TMEM170B: variants seen among roughly 807,000 people sequenced by gnomAD.
TMEM170B encodes the protein transmembrane protein 170B.
Under a neutral mutation model 13.0 loss-of-function variants are expected in TMEM170B, and 6 were observed. The observed-to-expected ratio is 0.46, with a 90% CI of 0.25 to 0.91. The LOEUF (loss-of-function observed/expected upper bound fraction) is 0.91. TMEM170B is among the 40% of genes least tolerant of loss of function. The probability of loss-of-function intolerance (pLI) is 0.17; values close to 1 mark genes in which losing one functional copy is unlikely to be tolerated. For synonymous variants in TMEM170B, 61 were observed against 64.9 expected (o/e 0.94, Z 0.29); for missense variants, 138 against 165.2 (o/e 0.84, Z 0.90).
At chr6:11,573,089 T>G (rs1582147354) in intron 2 of TMEM170B, among the ~76,000 whole-genome samples, 1 of 152,298 alleles carries the variant, frequency 6.6e-6, no homozygotes, top group East Asian at 1.9e-4. Flanking sequence ...ATATTAATCA[T>G]CAGTTTGTTT....
intron 1 of TMEM170B, among the ~76,000 whole-genome samples, chr6:11,539,115 AAC>A (rs1335308748): frequency 1.2e-4 from 18 of 152,370 alleles, no homozygotes; most frequent in African/African-American, 7.2e-5. Flanking sequence ...TGAGTGATAA[AAC>A]ACACAATATT....
chr6:11,563,535 T>G (rs1759697482), intron 1 of TMEM170B, among the ~76,000 whole-genome samples: 1 of 152,224 alleles, frequency 6.6e-6, no homozygotes, highest in Non-Finnish European at 1.5e-5. Flanking sequence ...GTAGAAAGTC[T>G]GCGCTTCCCA....
At chr6:11,564,864 C>T (rs1759715132) in intron 1 of TMEM170B, among the ~76,000 whole-genome samples, 1 of 152,188 alleles carries the variant, frequency 6.6e-6, no homozygotes, top group Non-Finnish European at 1.5e-5. Context: ...GAACGATTGG[C>T]CCAGCTTGGA....
chr6:11,559,803 A>T (rs1179619268), intron 1 of TMEM170B, among the ~76,000 whole-genome samples: 12 of 152,100 alleles, frequency 7.9e-5, no homozygotes, highest in Non-Finnish European at 7.4e-5. Flanking sequence ...GACCATTTCT[A>T]TAAAGAAGGT....
intron 2 of TMEM170B, among the ~76,000 whole-genome samples, chr6:11,568,914 C>G (rs1050416268): frequency 3.9e-5 from 6 of 151,986 alleles, no homozygotes; most frequent in South Asian, 2.1e-4. Context: ...AGTGATTTTT[C>G]ATATAGTGTT....
chr6:11,575,790 CTA>C lies in TMEM170B; in HGVS notation c.*231_*232del. The C allele has an allele frequency of 2.6e-6, 1 of 380,250 alleles. No homozygotes were observed. Among genetic ancestry groups the C allele is most frequent in the Non-Finnish European group, 4.8e-6 (1 of 210,222 alleles). 23.6% of individuals were successfully genotyped at this position (380,250 alleles called of 1,614,324 possible). A position where few individuals can be genotyped will look rare whatever the true frequency, so the allele number is the denominator to read the frequency against. On this transcript the variant is annotated 3_prime_UTR_variant, in exon 3 of 3. Transcript: ENST00000379426. The surrounding 1 kb of genome is among the most constrained non-coding windows in gnomAD (Gnocchi z 4.1). The stretch of plus-strand genomic sequence containing the variant: ...GTCTCAGGCAAGGTGCATTAAGACA[CTA>C]TGTAAAGTTACAAGAAAAAGCACCT...
intron 1 of TMEM170B, among the ~76,000 whole-genome samples, chr6:11,560,208 A>C (rs565772457): frequency 6.6e-6 from 1 of 151,860 alleles, no homozygotes; most frequent in South Asian, 2.1e-4. Flanking sequence ...TGTGTCGCCC[A>C]GGCTGGAGTG....
At chr6:11,542,007 A>G (rs559863323) in intron 1 of TMEM170B, among the ~76,000 whole-genome samples, 103 of 113,450 alleles carry the variant, frequency 9.1e-4, no homozygotes, top group African/African-American at 2.7e-3. Flanking sequence ...ATAATAAAAT[A>G]CAATAATAAA....
intron 1 of TMEM170B, among the ~76,000 whole-genome samples, chr6:11,547,880 A>G (rs1759461389): frequency 6.6e-6 from 1 of 152,176 alleles, no homozygotes; most frequent in Admixed American, 6.5e-5. Context: ...ATTAACTATG[A>G]TAATAAAATG....
At position 11,578,698 on chromosome 6, in the gene TMEM170B, C is replaced by T. The variant is rs1334405273; in HGVS notation, c.*3137C>T. On this transcript the variant is annotated 3_prime_UTR_variant, in exon 3 of 3. Transcript: ENST00000379426. ...CCAAACAGTGTTACAGTTTGTTACC[C>T]AATATACTTTCTTAGTATTTGCAGC... 1 of 152,058 alleles carries T rather than the reference C, an allele frequency of 6.6e-6. No individual in the cohort carries two copies. The highest frequency in any genetic ancestry group is 6.6e-5 in the Admixed American group (1 of 15,262). 9.4% of individuals were successfully genotyped at this position (152,058 alleles called of 1,614,324 possible).
chr6:11,544,734 CTTCT>C (rs1235583797), intron 1 of TMEM170B, among the ~76,000 whole-genome samples: 2 of 152,164 alleles, frequency 1.3e-5, no homozygotes, highest in Non-Finnish European at 2.9e-5. Flanking sequence ...GTACATATCA[CTTCT>C]TTAAGTGTGT....
At position 11,577,604 on chromosome 6, in the gene TMEM170B, T is replaced by C. The variant is rs1289141838; in HGVS notation, c.*2043T>C. The C allele has an allele frequency of 6.6e-6, 1 of 152,124 alleles. No individual in the cohort carries two copies. Among genetic ancestry groups the C allele is most frequent in the African/African-American group, 2.4e-5 (1 of 41,456 alleles). 9.4% of individuals were successfully genotyped at this position (152,124 alleles called of 1,614,324 possible). A position where few individuals can be genotyped will look rare whatever the true frequency, so the allele number is the denominator to read the frequency against. ...TTTATTTTATGATTTAAGAAAGTTA[T>C]GGTAAAGTAATATGGAGCATGATTC... On this transcript the variant is annotated 3_prime_UTR_variant, in exon 3 of 3. Coordinates refer to ENST00000379426, the MANE Select transcript of TMEM170B (RefSeq NM_001100829.3).
intron 1 of TMEM170B, among the ~76,000 whole-genome samples, chr6:11,562,100 G>T (rs1272408969): frequency 2.6e-5 from 4 of 152,102 alleles, no homozygotes; most frequent in Non-Finnish European, 2.9e-5. Context: ...AAGAGCCTGT[G>T]GTTGTTGCAG....
intron 1 of TMEM170B, among the ~76,000 whole-genome samples, chr6:11,559,600 A>G (rs535149132): frequency 1.3e-5 from 2 of 152,354 alleles, no homozygotes; most frequent in African/African-American, 2.4e-5. Context: ...CTTGATCTGT[A>G]TAGCACTTTT....
rs1759953486 is a variant in TMEM170B, at chr6:11,581,319, A to T, written c.*5758A>T. On this transcript the variant is annotated 3_prime_UTR_variant, in exon 3 of 3. Transcript: ENST00000379426. The stretch of plus-strand genomic sequence containing the variant: ...TATGTTATAGTTTAAACATATGTAC[A>T]ATTTGTTGATAGAATCCAAGGAGCT... The T allele has an allele frequency of 6.6e-6, 1 of 152,228 alleles. No homozygotes were observed. The highest frequency in any genetic ancestry group is 1.5e-5 in the Non-Finnish European group (1 of 68,030). The allele number at this position is 152,228 out of a possible 1,614,324, so 9.4% of individuals were successfully genotyped here. A position where few individuals can be genotyped will look rare whatever the true frequency, so the allele number is the denominator to read the frequency against.
At chr6:11,551,011 TAC>T (rs1759517199) in intron 1 of TMEM170B, among the ~76,000 whole-genome samples, 1 of 152,240 alleles carries the variant, frequency 6.6e-6, no homozygotes, top group Admixed American at 6.5e-5. Context: ...TATTTTCTCA[TAC>T]AGTCTCTGAT....
At chr6:11,564,127 A>G (rs148455683) in intron 1 of TMEM170B, among the ~76,000 whole-genome samples, 13 of 152,214 alleles carry the variant, frequency 8.5e-5, no homozygotes, top group African/African-American at 3.1e-4. Flanking sequence ...ACCATGTTTT[A>G]TTTATCCATT....
intron 1 of TMEM170B, among the ~76,000 whole-genome samples, chr6:11,545,566 G>A (rs1195560981): frequency 1.3e-5 from 2 of 152,060 alleles, no homozygotes; most frequent in African/African-American, 2.4e-5. Flanking sequence ...CGTTACTCAC[G>A]TGTTTATGGT....
intron 1 of TMEM170B, among the ~76,000 whole-genome samples, chr6:11,549,430 G>C (rs184030919): frequency 1.7e-4 from 26 of 152,314 alleles, no homozygotes; most frequent in African/African-American, 5.3e-4. Context: ...TTGGGAGGCA[G>C]AGGTGGGTGG....
Sources: gnomAD v4.1 joint callset for allele counts (sites outside exome capture counted in the v4.1 genomes callset) on GRCh38, gnomAD v4.1.1 for gene constraint, Gnocchi (gnomAD v3.1) non-coding constraint, MANE v1.5 for transcripts, NCBI Gene and HGNC (gene_info 2026-07-23, HGNC 2026-07-21) for gene names.